Variants in PCDH7 observed in about 807,000 individuals in gnomAD.
PCDH7 encodes the protein protocadherin 7, also known as protocadherin-7.
Under a neutral mutation model 58.9 loss-of-function variants are expected in PCDH7, and 17 were observed. The ratio of observed to expected loss-of-function variants is 0.29; its 90% CI spans 0.20 to 0.43. The LOEUF is 0.43. PCDH7 is among the 20% of genes least tolerant of loss of function. The pLI is 1.00. For missense variants in PCDH7, 1,274 were observed against 1,441.0 expected (o/e 0.88, Z 1.88); for synonymous variants, 664 against 616.4 (o/e 1.08, Z -1.14).
intron 3 of PCDH7, among the ~76,000 whole-genome samples, chr4:30,972,438 G>A (rs1270216886): frequency 6.6e-6 from 1 of 152,092 alleles, no homozygotes; most frequent in Non-Finnish European, 1.5e-5. Context: ...GTGAACCACT[G>A]TTATCTAGAA....
At chr4:31,137,680 C>T (rs184881822) in intron 3 of PCDH7, among the ~76,000 whole-genome samples, 6 of 152,244 alleles carry the variant, frequency 3.9e-5, no homozygotes, top group Non-Finnish European at 7.4e-5. Context: ...TATGCCAGAG[C>T]TTGATGTTAA....
intron 3 of PCDH7, among the ~76,000 whole-genome samples, chr4:31,035,652 C>G (rs143646093): frequency 1.3e-5 from 2 of 152,124 alleles, no homozygotes; most frequent in Non-Finnish European, 2.9e-5. Flanking sequence ...TACTTTTAGG[C>G]GAGCATGACA....
chr4:30,749,749 C>G (rs1560329411), intron 1 of PCDH7, among the ~76,000 whole-genome samples: 1 of 152,040 alleles, frequency 6.6e-6, no homozygotes, highest in African/African-American at 2.4e-5. Context: ...AAAACACGGG[C>G]ATTTAGGAAA....
rs138878031 is a variant in PCDH7 at position 31,026,288 on chromosome 4, G to A, written c.*7+76073G>A. On this transcript the variant is annotated intron_variant, in intron 3 of 3. Coordinates refer to the PCDH7 transcript ENST00000509759. Reference sequence around the variant, plus strand: ...AGTGTCATTTGCCTCTATTTTCTGTGCCACAAGTTGTACCTTTGATGTTTT... The same window carrying A: ...AGTGTCATTTGCCTCTATTTTCTGTACCACAAGTTGTACCTTTGATGTTTT... Among the ~76,000 whole-genome samples the A allele has an allele frequency of 1.5e-4, 23 of 152,134 alleles. No homozygotes were observed. In the East Asian group the frequency reaches 4.4e-3, roughly 29 times the overall value.
intron 3 of PCDH7, among the ~76,000 whole-genome samples, chr4:31,010,346 T>A (rs569089051): frequency 1.7e-3 from 265 of 152,112 alleles, no homozygotes; most frequent in African/African-American, 6.1e-3. Flanking sequence ...GAGGCAGTTA[T>A]TAATTTACTT....
At chr4:31,015,843 T>G (rs6832276) in intron 3 of PCDH7, among the ~76,000 whole-genome samples, 79,287 of 152,000 alleles carry the variant, frequency 0.52, 24,720 homozygotes, top group African/African-American at 0.86. Context: ...TAGATCACTT[T>G]TGTAAGTACA....
At chr4:30,727,931 C>A (rs977274310) in intron 1 of PCDH7, among the ~76,000 whole-genome samples, 1 of 151,732 alleles carries the variant, frequency 6.6e-6, no homozygotes, top group Non-Finnish European at 1.5e-5. Flanking sequence ...AATGCACTTA[C>A]AAGTAAAAAT....
At chr4:30,951,702 G>T (rs1747388493) in intron 3 of PCDH7, among the ~76,000 whole-genome samples, 1 of 152,094 alleles carries the variant, frequency 6.6e-6, no homozygotes, top group South Asian at 2.1e-4. Context: ...TCCACACAAA[G>T]AAACAATGAG....
intron 1 of PCDH7, among the ~76,000 whole-genome samples, chr4:30,894,478 AAAAAAAAAAAAAATATAT>A (rs1432653094): frequency 5.6e-5 from 3 of 53,434 alleles, no homozygotes; most frequent in Non-Finnish European, 1.0e-4. Context: ...AAAAAAAAAA[AAAAAAAAAAAAAATATAT>A]ATATATATAT....
intron 1 of PCDH7, among the ~76,000 whole-genome samples, chr4:30,905,021 A>G (rs1740738053): frequency 6.6e-6 from 1 of 152,174 alleles, no homozygotes; most frequent in African/African-American, 2.4e-5. Context: ...TCCTAAACAG[A>G]TTTCACCAGG....
intron 3 of PCDH7, among the ~76,000 whole-genome samples, chr4:31,039,938 A>G (rs1458117485): frequency 6.6e-6 from 1 of 152,170 alleles, no homozygotes; most frequent in East Asian, 1.9e-4. Flanking sequence ...CTCATGTAGA[A>G]TCTGCACTCA....
intron 1 of PCDH7, among the ~76,000 whole-genome samples, chr4:30,794,476 G>A (rs955545990): frequency 1.3e-5 from 2 of 152,112 alleles, no homozygotes; most frequent in Non-Finnish European, 1.5e-5. Context: ...TCTTTTGGCA[G>A]TTAATCTATA....
chr4:31,025,248 C>T (rs1339404072), intron 3 of PCDH7, among the ~76,000 whole-genome samples: 1 of 152,248 alleles, frequency 6.6e-6, no homozygotes, highest in South Asian at 2.1e-4. Context: ...AATTGTCTCA[C>T]GTATAGGACA....
At position 31,134,399 on chromosome 4, in the gene PCDH7, G is replaced by A. The variant is rs539387528; in HGVS notation, c.*8-8074G>A. 2.6e-5 allele frequency among the ~76,000 whole-genome samples: 4 copies of A among 152,274 alleles called. No individual in the cohort carries two copies. In the South Asian group the frequency reaches 8.3e-4, roughly 32 times the overall value. ...TGCTAGAACCCGGGAGGTGGAGGTT[G>A]CAGTGAGCCAAGATTGTGCCACTGC... On this transcript the variant is annotated intron_variant, in intron 3 of 3. Coordinates refer to the PCDH7 transcript ENST00000509759.
intron 3 of PCDH7, among the ~76,000 whole-genome samples, chr4:30,989,417 C>T (rs1006479983): frequency 3.3e-5 from 5 of 152,174 alleles, no homozygotes; most frequent in East Asian, 1.9e-4. Context: ...GCAGTAATAT[C>T]GGCCACCTGT....
intron 3 of PCDH7, among the ~76,000 whole-genome samples, chr4:30,970,582 C>T (rs920555117): frequency 2.6e-5 from 4 of 152,186 alleles, no homozygotes; most frequent in South Asian, 2.1e-4. Context: ...CATAAGCCAC[C>T]GCTCCCGGCC....
chr4:31,072,008 A>G (rs6829796), intron 3 of PCDH7, among the ~76,000 whole-genome samples: 128 of 152,166 alleles, frequency 8.4e-4, no homozygotes, highest in Non-Finnish European at 1.7e-3. Flanking sequence ...TCGCTTTTCT[A>G]AGCTTGGACA....
At chr4:31,008,158 A>C (rs1752924825) in intron 3 of PCDH7, among the ~76,000 whole-genome samples, 1 of 152,152 alleles carries the variant, frequency 6.6e-6, no homozygotes, top group Non-Finnish European at 1.5e-5. Flanking sequence ...TGCATTAGTC[A>C]AATGAATTAT....
intron 1 of PCDH7, among the ~76,000 whole-genome samples, chr4:30,759,054 G>C (rs1719696819): frequency 6.8e-6 from 1 of 147,560 alleles, no homozygotes; most frequent in Admixed American, 6.9e-5. Context: ...TGATTCTTCT[G>C]CCTCAGCCTC....
Sources: allele counts gnomAD v4.1 joint callset (sites outside exome capture counted in the v4.1 genomes callset), GRCh38; gene constraint gnomAD v4.1.1; transcripts MANE v1.5; gene names NCBI Gene and HGNC (gene_info 2026-07-23, HGNC 2026-07-21).